GPC5: variants seen among roughly 807,000 people sequenced by gnomAD.
GPC5 encodes glypican-5.
In GPC5, 47 loss-of-function variants were observed where a neutral mutation model predicts 53.9. The observed-to-expected ratio is 0.87, with a 90% CI of 0.69 to 1.11. The LOEUF (loss-of-function observed/expected upper bound fraction) is 1.11, where lower values mean the gene tolerates loss of function less well. Among genes scored for constraint, GPC5 ranks in the 50% most tolerant of loss-of-function variants. The probability of loss-of-function intolerance (pLI) is 0.00; values close to 1 mark genes in which losing one functional copy is unlikely to be tolerated. For missense variants in GPC5, 748 were observed against 713.1 expected (o/e 1.05, Z -0.56); for synonymous variants, 286 against 263.3 (o/e 1.09, Z -0.84).
At position 91,406,675 on chromosome 13, in the gene GPC5, C is replaced by G. The variant is rs146174940; in HGVS notation, c.163+7466C>G. On this transcript the variant is annotated intron_variant, in intron 1 of 7. Transcript: ENST00000377067. ...CCCAATTTCTAGTAAGTGGTATCAC[C>G]TAGACGTGCAAGCCCCCTCTCCAAT... Among the ~76,000 whole-genome samples, 617 of 152,210 alleles carry G rather than the reference C, an allele frequency of 4.1e-3. 3 individuals are homozygous for G. Among genetic ancestry groups the G allele is most frequent in the African/African-American group, 0.013 (543 of 41,520 alleles).
chr13:92,426,531 A>G (rs761490103), intron 7 of GPC5, among the ~76,000 whole-genome samples: 47 of 152,134 alleles, frequency 3.1e-4, no homozygotes, highest in Non-Finnish European at 4.7e-4. Flanking sequence ...AATGTCAAGG[A>G]TAAGACTTAT....
At chr13:92,604,233 T>TA (rs1884177331) in intron 7 of GPC5, among the ~76,000 whole-genome samples, 1 of 152,142 alleles carries the variant, frequency 6.6e-6, no homozygotes. Flanking sequence ...TTCTTTTGGA[T>TA]AAAAAATAAA....
chr13:92,225,681 T>G (rs2042480596), intron 7 of GPC5, among the ~76,000 whole-genome samples: 1 of 152,198 alleles, frequency 6.6e-6, no homozygotes, highest in East Asian at 1.9e-4. Context: ...CAAATATATA[T>G]GCATGAATTT....
intron 7 of GPC5, among the ~76,000 whole-genome samples, chr13:92,409,824 A>G (rs1426520353): frequency 6.6e-6 from 1 of 152,232 alleles, no homozygotes; most frequent in Non-Finnish European, 1.5e-5. Flanking sequence ...AAATTATGAT[A>G]CATTTATGGT....
intron 3 of GPC5, among the ~76,000 whole-genome samples, chr13:91,698,753 T>A (rs2035934426): frequency 7.1e-6 from 1 of 141,094 alleles, no homozygotes; most frequent in East Asian, 2.2e-4. Context: ...CTATCACACA[T>A]GAACTTGAAA....
chr13:91,527,329 C>G (rs1886133011), intron 2 of GPC5, among the ~76,000 whole-genome samples: 1 of 152,192 alleles, frequency 6.6e-6, no homozygotes. Flanking sequence ...GGCCATAGGC[C>G]TTATGCAAGT....
At chr13:91,410,925 A>G (rs1003598581) in intron 1 of GPC5, among the ~76,000 whole-genome samples, 86 of 152,114 alleles carry the variant, frequency 5.7e-4, no homozygotes, top group African/African-American at 1.9e-3. Context: ...CCTGGCCAAC[A>G]TGGTGAAACC....
intron 6 of GPC5, among the ~76,000 whole-genome samples, chr13:92,007,540 C>T (rs2040618479): frequency 6.6e-6 from 1 of 152,098 alleles, no homozygotes; most frequent in Non-Finnish European, 1.5e-5. Context: ...ACTCCAGCAT[C>T]CTTATGATTC....
chr13:92,206,191 A>T, intron 7 of GPC5, among the ~76,000 whole-genome samples: 1 of 132,632 alleles, frequency 7.5e-6, no homozygotes, highest in Admixed American at 7.9e-5. Flanking sequence ...TTTGAGACAG[A>T]GTCTCGGTCT....
intron 5 of GPC5, among the ~76,000 whole-genome samples, chr13:91,837,338 T>C (rs2038732730): frequency 1.3e-5 from 2 of 152,176 alleles, no homozygotes; most frequent in South Asian, 4.1e-4. Flanking sequence ...ATCAGGAAAG[T>C]TATTCCCTGA....
At chr13:92,449,350 G>A (rs1185122726) in intron 7 of GPC5, among the ~76,000 whole-genome samples, 1 of 152,102 alleles carries the variant, frequency 6.6e-6, no homozygotes, top group Non-Finnish European at 1.5e-5. Context: ...CCAGCTTCCA[G>A]ATTTAGCCTC....
At chr13:92,382,801 G>T (rs1193868326) in intron 7 of GPC5, among the ~76,000 whole-genome samples, 2 of 151,864 alleles carry the variant, frequency 1.3e-5, no homozygotes, top group Non-Finnish European at 2.9e-5. Flanking sequence ...ACGAGGTCAG[G>T]AGATCAAGAC....
Position 92,504,975 on chromosome 13 carries a change from T to TTATA in GPC5, c.1561+359996_1561+359999dup, listed in dbSNP as rs150662924. 4.1e-3 allele frequency among the ~76,000 whole-genome samples: 622 copies of TTATA among 150,412 alleles called. 4 individuals carry two copies. Among genetic ancestry groups the TTATA allele is most frequent in the African/African-American group, 0.014 (581 of 41,100 alleles). ...CCATGAAAGTCATATCTATATATAT[T>TTATA]TATATATATATATGTGCATATAAAT... On this transcript the variant is annotated intron_variant, in intron 7 of 7. Coordinates refer to ENST00000377067, the MANE Select transcript of GPC5 (RefSeq NM_004466.6).
chr13:92,601,486 C>G (rs373696403), intron 7 of GPC5, among the ~76,000 whole-genome samples: 14 of 139,408 alleles, frequency 1.0e-4, no homozygotes, highest in African/African-American at 3.4e-4. Context: ...ACCCAGGAAG[C>G]GGAGGTTGCA....
chr13:92,268,184 T>C (rs375373786), intron 7 of GPC5, among the ~76,000 whole-genome samples: 1 of 152,178 alleles, frequency 6.6e-6, no homozygotes, highest in South Asian at 2.1e-4. Flanking sequence ...ATATTGTATA[T>C]AGCTCACTGT....
intron 7 of GPC5, among the ~76,000 whole-genome samples, chr13:92,796,292 C>T (rs1305554775): frequency 1.3e-5 from 2 of 152,026 alleles, no homozygotes; most frequent in Non-Finnish European, 2.9e-5. Flanking sequence ...TGTTCTCACT[C>T]ATAGGTGGGA....
intron 7 of GPC5, among the ~76,000 whole-genome samples, chr13:92,357,774 C>T (rs1325036081): frequency 1.3e-5 from 2 of 151,560 alleles, no homozygotes; most frequent in East Asian, 3.9e-4. Context: ...AATTCACTGA[C>T]TATGACAAGA....
At chr13:92,294,564 A>T (rs2043020313) in intron 7 of GPC5, among the ~76,000 whole-genome samples, 2 of 151,966 alleles carry the variant, frequency 1.3e-5, no homozygotes, top group Non-Finnish European at 2.9e-5. Context: ...TTCATTTCTT[A>T]TTGAGCTGTT....
intron 7 of GPC5, among the ~76,000 whole-genome samples, chr13:92,623,735 A>C (rs145817490): frequency 1.3e-5 from 2 of 152,078 alleles, no homozygotes; most frequent in African/African-American, 4.8e-5. Context: ...ACATCTAAAA[A>C]TAGTTTTCAA....
Sources: allele counts gnomAD v4.1 joint callset (sites outside exome capture counted in the v4.1 genomes callset), GRCh38; gene constraint gnomAD v4.1.1; transcripts MANE v1.5; gene names NCBI Gene and HGNC (gene_info 2026-07-23, HGNC 2026-07-21).